The following MOV10L1 variants were observed in gnomAD, a reference collection of about 807,000 sequenced individuals.
MOV10L1 encodes Mov10 like RNA helicase 1, also known as RNA helicase Mov10l1.
In MOV10L1, 110 loss-of-function variants were observed where a neutral mutation model predicts 143.8. The ratio of observed to expected loss-of-function variants is 0.76; its 90% CI spans 0.66 to 0.90. The LOEUF is 0.90. Among genes scored for constraint, MOV10L1 ranks in the 40% least tolerant of loss-of-function variants. MOV10L1 has a pLI of 0.00. For synonymous variants in MOV10L1, 593 were observed against 581.1 expected, an observed-to-expected ratio of 1.02 and a Z score of -0.29; for missense variants, 1,406 against 1,526.8, an observed-to-expected ratio of 0.92 and a Z score of 1.32.
Position 50,150,815 on chromosome 22 carries a change from C to G in MOV10L1, c.2808C>G (p.Ser936=), listed in dbSNP as rs768901124. The stretch of plus-strand genomic sequence containing the variant: ...CCATGGCCTATGGGCTGAACGTGTC[C>G]TTTTTGGAACGGCTGATGTCTCGAC... ...RLAMAYGLNV[S]FLERLMSRPA... The change falls in exon 21 of 27, where the codon TCC becomes TCG. Residue 936 remains serine (S), a synonymous_variant. Transcript: ENST00000262794. 1.9e-5 allele frequency: 30 copies of G among 1,614,204 alleles called. No homozygotes were observed. The South Asian group carries it at 3.1e-4, about 17-fold the overall frequency.
At position 50,134,001 on chromosome 22, in the gene MOV10L1, C is replaced by G; in HGVS notation, c.1911-6C>G. On this transcript the variant is annotated splice_polypyrimidine_tract_variant and splice_region_variant and intron_variant, in intron 13 of 26. Coordinates refer to ENST00000262794, the MANE Select transcript of MOV10L1 (RefSeq NM_018995.3). ...TAGTTATTTTATGTGGTTTTCTTTC[C>G]TGCAGGACCACAAGCAGACGGTGTC... is the stretch of plus-strand genomic sequence containing the variant. 6.2e-7 allele frequency: 1 copy of G among 1,609,672 alleles called. No homozygotes were observed. The highest frequency in any genetic ancestry group is 8.5e-7 in the Non-Finnish European group (1 of 1,178,824).
At chr22:50,109,690 AAAT>A (rs1277281202) in intron 5 of MOV10L1, 2 of 224,630 alleles carry the variant, frequency 8.9e-6, no homozygotes, top group East Asian at 1.4e-4. Flanking sequence ...AAAAAAAAAA[AAAT>A]TAGCCGAGCA....
intron 7 of MOV10L1, 84 bp from the exon 8 acceptor site, chr22:50,115,030 G>A: frequency 7.2e-7 from 1 of 1,391,084 alleles, no homozygotes; most frequent in Non-Finnish European, 9.8e-7. Flanking sequence ...GTGTGAGAGA[G>A]TATTCATTTC....
chr22:50,152,994 A>G lies in MOV10L1; in HGVS notation c.2893-51A>G, dbSNP rs778683830. 9.1e-6 allele frequency: 14 copies of G among 1,535,844 alleles called. No homozygotes were observed. The highest frequency in any genetic ancestry group is 3.8e-5 in the Admixed American group (2 of 52,916). On this transcript the variant is annotated intron_variant, in intron 21 of 26. Transcript: ENST00000262794. This position sits in a 1 kb window ranked among gnomAD's most constrained non-coding sequence, Gnocchi z 4.4. ...CAGAGCCGCTTTTCGTTCGACAGAAACTGTGCCGGGTACCACCTTCCCCTT... is the reference window on the plus strand; with the variant it reads ...CAGAGCCGCTTTTCGTTCGACAGAAGCTGTGCCGGGTACCACCTTCCCCTT...
intron 3 of MOV10L1, 100 bp downstream of exon 3, chr22:50,099,702 C>G (rs559691500): frequency 1.5e-6 from 2 of 1,370,946 alleles, no homozygotes; most frequent in African/African-American, 2.9e-5. Flanking sequence ...AATCCCAGCA[C>G]TTTGTCAGGC....
chr22:50,123,673 A>G (rs751451239), intron 10 of MOV10L1, among the ~76,000 whole-genome samples: 1 of 152,260 alleles, frequency 6.6e-6, no homozygotes, highest in Non-Finnish European at 1.5e-5. Flanking sequence ...CCTCATAAGA[A>G]TAAGTCAGAG....
chr22:50,128,371 C>T, intron 12 of MOV10L1, 45 bp from the exon 13 acceptor site: 1 of 1,078,290 alleles, frequency 9.3e-7, no homozygotes. Flanking sequence ...ATAAAGATAT[C>T]ACATTATTTC....
At chr22:50,091,205 G>A (rs2062430984) in intron 1 of MOV10L1, 1 of 167,514 alleles carries the variant, frequency 6.0e-6, no homozygotes, top group South Asian at 2.1e-4. Flanking sequence ...GGTAGAACAC[G>A]CGCTCAGCGG....
At chr22:50,153,265 G>A in intron 22 of MOV10L1, 47 bp downstream of exon 22, 1 of 1,554,432 alleles carries the variant, frequency 6.4e-7, no homozygotes, top group Middle Eastern at 1.7e-4. Flanking sequence ...GGTAAGGACA[G>A]TATGGCAGGA....
At chr22:50,144,872 T>A (rs369366003) in intron 18 of MOV10L1, among the ~76,000 whole-genome samples, 1 of 152,200 alleles carries the variant, frequency 6.6e-6, no homozygotes, top group Admixed American at 6.5e-5. Flanking sequence ...TGAGCCACCG[T>A]GCCCGGCCTG....
chr22:50,137,503 T>C (rs561721536), intron 15 of MOV10L1, among the ~76,000 whole-genome samples: 3 of 152,072 alleles, frequency 2.0e-5, no homozygotes, highest in African/African-American at 7.2e-5. Flanking sequence ...ATCGCGCCAC[T>C]GCACTCCAGC....
chr22:50,149,413 T>C, intron 19 of MOV10L1: 1 of 584,684 alleles, frequency 1.7e-6, no homozygotes, highest in Non-Finnish European at 3.1e-6. Flanking sequence ...AAGCACTGGG[T>C]GCTGATGTGG....
chr22:50,151,680 A>C (rs1238106438), intron 21 of MOV10L1, among the ~76,000 whole-genome samples: 1 of 152,156 alleles, frequency 6.6e-6, no homozygotes, highest in Admixed American at 6.5e-5. Flanking sequence ...TGTCCCCCGG[A>C]GGTTCGCCTC....
chr22:50,148,515 A>G (rs2147398284), intron 19 of MOV10L1, among the ~76,000 whole-genome samples: 1 of 151,638 alleles, frequency 6.6e-6, no homozygotes, highest in Middle Eastern at 3.4e-3. Context: ...CTGCTCCTGC[A>G]CCTCCCTTAC....
chr22:50,090,595 T>C, intron 1 of MOV10L1: 1 of 1,512,884 alleles, frequency 6.6e-7, no homozygotes, highest in Non-Finnish European at 9.0e-7. Context: ...GCGTGCCATT[T>C]CCTTGTCTGG....
chr22:50,145,975 A>C (rs547932911), intron 19 of MOV10L1, among the ~76,000 whole-genome samples, 165 bp downstream of exon 19: 1 of 152,106 alleles, frequency 6.6e-6, no homozygotes, highest in African/African-American at 2.4e-5. Context: ...GCCTGAATGG[A>C]GCTGGGGAAG....
chr22:50,130,957 C>T (rs1400514047), intron 13 of MOV10L1, among the ~76,000 whole-genome samples: 1 of 152,104 alleles, frequency 6.6e-6, no homozygotes, highest in Non-Finnish European at 1.5e-5. Flanking sequence ...AGTGCAGTGG[C>T]ACGATCTCGG....
chr22:50,124,132 A>G (rs2062428754), intron 10 of MOV10L1, among the ~76,000 whole-genome samples: 2 of 150,664 alleles, frequency 1.3e-5, no homozygotes. Flanking sequence ...TCTTTTGTTC[A>G]TCTCTCCTCT....
intron 1 of MOV10L1, 70 bp downstream of exon 1, chr22:50,090,255 C>A: frequency 7.0e-7 from 1 of 1,419,810 alleles, no homozygotes; most frequent in Non-Finnish European, 9.2e-7. Flanking sequence ...GAGCCGCGCC[C>A]ATAGGTCTTT....
Sources: allele counts gnomAD v4.1 joint callset (sites outside exome capture counted in the v4.1 genomes callset), GRCh38; gene constraint gnomAD v4.1.1; non-coding constraint Gnocchi (gnomAD v3.1); transcripts MANE v1.5; gene names NCBI Gene and HGNC (gene_info 2026-07-23, HGNC 2026-07-21).